CDH13: variants seen among roughly 807,000 people sequenced by gnomAD.
CDH13 encodes cadherin 13, also known as cadherin-13.
A neutral mutation model predicts 63.8 loss-of-function variants in CDH13; 24 were observed. The observed-to-expected ratio is 0.38, with a 90% CI of 0.27 to 0.53. The LOEUF is 0.53. Among genes scored for constraint, CDH13 ranks in the 20% least tolerant of loss-of-function variants. The pLI is 0.85. For missense variants in CDH13, 1,049 were observed against 903.1 expected, an observed-to-expected ratio of 1.16 and a Z score of -2.07; for synonymous variants, 503 against 355.3, an observed-to-expected ratio of 1.42 and a Z score of -4.67.
intron 4 of CDH13, among the ~76,000 whole-genome samples, chr16:83,177,286 A>G (rs1159827817): frequency 1.3e-5 from 2 of 152,136 alleles, no homozygotes; most frequent in Non-Finnish European, 2.9e-5. Flanking sequence ...GCTTGCTTCA[A>G]ATGACATTTA....
rs1016343521 is a variant in CDH13 at position 83,047,474 on chromosome 16, C to A, written c.366+15256C>A. On this transcript the variant is annotated intron_variant, in intron 3 of 13. Transcript: ENST00000567109. The surrounding 1 kb of genome is among the most constrained non-coding windows in gnomAD (Gnocchi z 4.9). Reference sequence around the variant, plus strand: ...TTATTTACCTTGTTATCTGTAATTTCCTCTTTCCCTCAGGCCTTTGCGTAA... The same window carrying A: ...TTATTTACCTTGTTATCTGTAATTTACTCTTTCCCTCAGGCCTTTGCGTAA... 6.6e-6 allele frequency among the ~76,000 whole-genome samples: 1 copy of A among 151,994 alleles called. No homozygotes were observed. Among genetic ancestry groups the A allele is most frequent in the Admixed American group, 6.6e-5 (1 of 15,264 alleles).
At chr16:83,003,264 T>C (rs1042341570) in intron 2 of CDH13, among the ~76,000 whole-genome samples, 2 of 152,172 alleles carry the variant, frequency 1.3e-5, no homozygotes, top group Non-Finnish European at 2.9e-5. Flanking sequence ...GAGAGGACTG[T>C]AGTTTGGAAA....
At chr16:83,357,186 C>G (rs1002988560) in intron 6 of CDH13, among the ~76,000 whole-genome samples, 3 of 152,176 alleles carry the variant, frequency 2.0e-5, no homozygotes, top group Admixed American at 6.5e-5. Context: ...GACTCCAGAG[C>G]TGCTTTGCCA....
intron 3 of CDH13, among the ~76,000 whole-genome samples, chr16:83,043,166 A>AT (rs1233398892): frequency 1.3e-5 from 2 of 152,336 alleles, no homozygotes; most frequent in East Asian, 3.9e-4. Flanking sequence ...TACTATTCAT[A>AT]TATAGATAAA....
intron 5 of CDH13, among the ~76,000 whole-genome samples, chr16:83,309,240 A>C (rs538370865): frequency 6.6e-6 from 1 of 152,342 alleles, no homozygotes; most frequent in Non-Finnish European, 1.5e-5. Context: ...GCAATGACTA[A>C]GGTGGAAATT....
intron 3 of CDH13, among the ~76,000 whole-genome samples, chr16:83,050,526 C>A (rs4378601): frequency 0.96 from 146,557 of 152,180 alleles, 70,639 homozygotes; most frequent in East Asian, 1. Flanking sequence ...AGTTCTTCTT[C>A]TTATTCCTCC....
At chr16:83,623,746 T>C (rs1271745860) in intron 8 of CDH13, among the ~76,000 whole-genome samples, 2 of 152,066 alleles carry the variant, frequency 1.3e-5, no homozygotes, top group Non-Finnish European at 1.5e-5. Flanking sequence ...GAAAAGAAAG[T>C]CTCAACAAAC....
chr16:83,543,644 C>T (rs1183517205), intron 7 of CDH13, among the ~76,000 whole-genome samples: 1 of 152,094 alleles, frequency 6.6e-6, no homozygotes, highest in Non-Finnish European at 1.5e-5. Context: ...GATTGTGCTC[C>T]TCAGGGGACA....
intron 8 of CDH13, among the ~76,000 whole-genome samples, chr16:83,668,323 A>G (rs889596341): frequency 6.6e-6 from 1 of 152,236 alleles, no homozygotes; most frequent in Non-Finnish European, 1.5e-5. Flanking sequence ...ATGAAGAGAC[A>G]GGTGCACATA....
chr16:83,392,823 A>C (rs1006105685), intron 6 of CDH13, among the ~76,000 whole-genome samples: 1 of 152,162 alleles, frequency 6.6e-6, no homozygotes, highest in African/African-American at 2.4e-5. Context: ...GAAAAAGGAA[A>C]ATCTCGGTGG....
At chr16:83,330,365 GTA>G (rs2090454832) in intron 5 of CDH13, among the ~76,000 whole-genome samples, 2 of 152,146 alleles carry the variant, frequency 1.3e-5, no homozygotes, top group African/African-American at 4.8e-5. Flanking sequence ...GTTTCTCTCT[GTA>G]TTATTTCTTA....
chr16:82,916,139 T>G (rs1012782830), intron 2 of CDH13, among the ~76,000 whole-genome samples: 1 of 152,162 alleles, frequency 6.6e-6, no homozygotes, highest in East Asian at 1.9e-4. Context: ...TTCAATTCCA[T>G]AAAGCAAGCG....
chr16:83,467,156 C>T (rs78057251), intron 6 of CDH13, among the ~76,000 whole-genome samples: 4,378 of 152,242 alleles, frequency 0.029, 201 homozygotes, highest in African/African-American at 0.099. Flanking sequence ...TCTTACCAAG[C>T]CCCGGCTCTC....
In CDH13 at chr16:82,694,382, G is replaced by A. The variant is rs1462040; in HGVS notation, c.45+67245G>A. 1.1e-3 allele frequency among the ~76,000 whole-genome samples: 170 copies of A among 152,262 alleles called. 1 individual carries two copies. The highest frequency in any genetic ancestry group is 3.9e-3 in the African/African-American group (162 of 41,552). ...TTTTTATGGACTGCTCACTATCACT[G>A]CAACATTCAGCACTTTTTTCTGTGT... is the stretch of plus-strand genomic sequence containing the variant. On this transcript the variant is annotated intron_variant, in intron 1 of 13. Coordinates refer to ENST00000567109, the MANE Select transcript of CDH13 (RefSeq NM_001257.5).
chr16:82,895,352 T>G (rs1353433401), intron 2 of CDH13, among the ~76,000 whole-genome samples: 1 of 152,178 alleles, frequency 6.6e-6, no homozygotes, highest in East Asian at 1.9e-4. Context: ...TTCATCACAC[T>G]TAGGCTCAAA....
chr16:82,629,713 G>C (rs980247442), intron 1 of CDH13, among the ~76,000 whole-genome samples: 1 of 152,208 alleles, frequency 6.6e-6, no homozygotes, highest in African/African-American at 2.4e-5. Flanking sequence ...ATTTTGGTAG[G>C]AGGTGAGGAA....
At chr16:83,018,542 C>T (rs987813630) in intron 2 of CDH13, among the ~76,000 whole-genome samples, 1 of 152,218 alleles carries the variant, frequency 6.6e-6, no homozygotes, top group Non-Finnish European at 1.5e-5. Context: ...GTGACAAGCA[C>T]ATTATTTCAC....
chr16:82,668,344 G>C (rs1421941737), intron 1 of CDH13, among the ~76,000 whole-genome samples: 1 of 152,136 alleles, frequency 6.6e-6, no homozygotes, highest in Non-Finnish European at 1.5e-5. Flanking sequence ...ATAATTAAAG[G>C]GTGCCTAGGA....
At position 83,047,231 on chromosome 16, in the gene CDH13, C is replaced by T. The variant is rs923388890; in HGVS notation, c.366+15013C>T. On this transcript the variant is annotated intron_variant, in intron 3 of 13. Transcript: ENST00000567109. This position sits in a 1 kb window ranked among gnomAD's most constrained non-coding sequence, Gnocchi z 4.9. ...TGCCCCTCACTCTTACTCCAGAGGC[C>T]TGTGTATTTATTTATTTATTTATTT... 1.8e-4 allele frequency among the ~76,000 whole-genome samples: 26 copies of T among 146,796 alleles called. No homozygotes were observed. Among genetic ancestry groups the T allele is most frequent in the African/African-American group, 6.1e-4 (25 of 40,770 alleles).
Sources: gnomAD v4.1 joint callset for allele counts (sites outside exome capture counted in the v4.1 genomes callset) on GRCh38, gnomAD v4.1.1 for gene constraint, Gnocchi (gnomAD v3.1) non-coding constraint, MANE v1.5 for transcripts, NCBI Gene and HGNC (gene_info 2026-07-23, HGNC 2026-07-21) for gene names.